The following CEP162 variants were observed in gnomAD, a reference collection of about 807,000 sequenced individuals.
CEP162 encodes centrosomal protein 162.
Under a neutral mutation model 169.2 loss-of-function variants are expected in CEP162, and 141 were observed. The ratio of observed to expected loss-of-function variants is 0.83; its 90% confidence interval spans 0.73 to 0.96. The LOEUF (loss-of-function observed/expected upper bound fraction) is 0.96. CEP162 is among the 40% of genes least tolerant of loss of function. The pLI, the probability that CEP162 is intolerant of heterozygous loss-of-function variation, is 0.00. For missense variants in CEP162, 1,600 were observed against 1,587.2 expected, an observed-to-expected ratio of 1.01 and a Z score of -0.14; for synonymous variants, 540 against 526.4, an observed-to-expected ratio of 1.03 and a Z score of -0.35.
chr6:84,131,934 C>T (rs2099511683), intron 25 of CEP162, among the ~76,000 whole-genome samples: 1 of 152,270 alleles, frequency 6.6e-6, no homozygotes, highest in South Asian at 2.1e-4. Flanking sequence ...TTCTTCCTAG[C>T]ACTGATGGTC....
chr6:84,147,907 T>C (rs1298658707), intron 24 of CEP162, among the ~76,000 whole-genome samples: 4 of 152,170 alleles, frequency 2.6e-5, no homozygotes, highest in African/African-American at 4.8e-5. Flanking sequence ...AAAATTTATC[T>C]TATCTCTAAT....
At chr6:84,207,581 G>A (rs961386401) in intron 6 of CEP162, among the ~76,000 whole-genome samples, 1 of 113,212 alleles carries the variant, frequency 8.8e-6, no homozygotes, top group East Asian at 3.2e-4. Context: ...GCGGGGGGAG[G>A]GGGGAAGGAC....
At chr6:84,208,865 T>C (rs771904734) in intron 6 of CEP162, among the ~76,000 whole-genome samples, 1 of 152,236 alleles carries the variant, frequency 6.6e-6, no homozygotes, top group Non-Finnish European at 1.5e-5. Flanking sequence ...CTAAGTGCTG[T>C]GAACAATACA....
chr6:84,207,118 T>C (rs146864022), intron 6 of CEP162, among the ~76,000 whole-genome samples: 5,762 of 152,272 alleles, frequency 0.038, 387 homozygotes, highest in African/African-American at 0.13. Flanking sequence ...TTTACACTGT[T>C]GGTAGAAGTG....
At position 84,152,743 on chromosome 6, in the gene CEP162, T is replaced by C. The variant is rs750676881; in HGVS notation, c.3431A>G (p.Lys1144Arg). 2.0e-5 allele frequency: 32 copies of C among 1,613,166 alleles called. 1 individual carries two copies. The Middle Eastern group carries it at 1.3e-3, about 66-fold the overall frequency. ...RAKKDVLHSS[K>R]GNANSFPGTL... is the part of the protein sequence containing the mutation. Reference sequence around the variant, plus strand: ...TCCAGGGAAGGAGTTAGCATTTCCTTTACTTGAGTGCAAAACATCTTTCTT... The same window carrying C: ...TCCAGGGAAGGAGTTAGCATTTCCTCTACTTGAGTGCAAAACATCTTTCTT... Residue 1144 changes from lysine to arginine, a missense_variant, in exon 23 of 27, where the codon AAA (lysine) becomes AGA (arginine). Lys to Arg is a conservative substitution (Grantham distance 26). Transcript: ENST00000403245.
At chr6:84,148,166 C>T (rs986939880) in intron 24 of CEP162, among the ~76,000 whole-genome samples, 10 of 152,072 alleles carry the variant, frequency 6.6e-5, no homozygotes, top group Non-Finnish European at 1.2e-4. Flanking sequence ...TTGTTACTTA[C>T]GAAAGGCACT....
chr6:84,166,371 A>T (rs2099527829), intron 18 of CEP162, among the ~76,000 whole-genome samples: 1 of 152,158 alleles, frequency 6.6e-6, no homozygotes, highest in South Asian at 2.1e-4. Flanking sequence ...CTCTCAACTC[A>T]AACATCTCTT....
In CEP162 at chr6:84,202,785, A is replaced by G. The variant is rs114666520; in HGVS notation, c.688-1018T>C. Among the ~76,000 whole-genome samples, 520 of 152,038 alleles carry G rather than the reference A, an allele frequency of 3.4e-3. 3 individuals are homozygous for G. The highest frequency in any genetic ancestry group is 0.012 in the African/African-American group (478 of 41,484). On this transcript the variant is annotated intron_variant, in intron 7 of 26. Coordinates refer to ENST00000403245, the MANE Select transcript of CEP162 (RefSeq NM_014895.4). The stretch of plus-strand genomic sequence containing the variant: ...TTCAATAAAATATTGTAATTGCCAT[A>G]TTCCAAGTATAAATCTCATTAAATT...
At chr6:84,226,106 T>C (rs1048024746) in intron 2 of CEP162, among the ~76,000 whole-genome samples, 3 of 150,978 alleles carry the variant, frequency 2.0e-5, no homozygotes. Context: ...AGGAACAGAG[T>C]CTGACTGCAG....
At chr6:84,132,766 A>C (rs1265713084) in intron 25 of CEP162, among the ~76,000 whole-genome samples, 1 of 152,000 alleles carries the variant, frequency 6.6e-6, no homozygotes. Context: ...CAAGGTTTTT[A>C]GCTCCTTTGC....
intron 13 of CEP162, among the ~76,000 whole-genome samples, chr6:84,178,829 G>C (rs904607340): frequency 6.6e-6 from 1 of 152,016 alleles, no homozygotes; most frequent in Non-Finnish European, 1.5e-5. Context: ...CCCCACGACA[G>C]GCCCTGGTAT....
chr6:84,221,183 A>G lies in CEP162; in HGVS notation c.58-12T>C, dbSNP rs1165618950. 1.6e-6 allele frequency: 2 copies of G among 1,229,592 alleles called. No individual in the cohort carries two copies. Among genetic ancestry groups the G allele is most frequent in the East Asian group, 2.3e-5 (1 of 43,014 alleles). 76.2% of individuals were successfully genotyped at this position (1,229,592 alleles called of 1,614,324 possible). A position where few individuals can be genotyped will look rare whatever the true frequency, so the allele number is the denominator to read the frequency against. ...GAATCATCTGAAAGCTGAATTAGAT[A>G]TAAGACATTCAATTTGAAAATACAG... On this transcript the variant is annotated splice_polypyrimidine_tract_variant and intron_variant, in intron 2 of 26. Coordinates refer to ENST00000403245, the MANE Select transcript of CEP162 (RefSeq NM_014895.4).
intron 21 of CEP162, chr6:84,155,729 C>A (rs1406063429): frequency 6.1e-6 from 3 of 495,370 alleles, no homozygotes; most frequent in Non-Finnish European, 1.1e-5. Flanking sequence ...TAAAGAAAAC[C>A]GTGACACAAA....
chr6:84,129,013 A>G (rs2099510124), intron 25 of CEP162, among the ~76,000 whole-genome samples: 1 of 152,194 alleles, frequency 6.6e-6, no homozygotes. Context: ...CCTGCAAAGG[A>G]CATGACCTCA....
intron 2 of CEP162, among the ~76,000 whole-genome samples, chr6:84,221,645 C>T (rs1313742612): frequency 6.6e-6 from 1 of 151,982 alleles, no homozygotes; most frequent in Non-Finnish European, 1.5e-5. Flanking sequence ...TTGATAAACA[C>T]TTATTTGCTT....
At position 84,160,841 on chromosome 6, in the gene CEP162, C is replaced by T. The variant is rs749380453; in HGVS notation, c.2752G>A (p.Ala918Thr). 9 of 1,612,260 alleles carry T rather than the reference C, an allele frequency of 5.6e-6. No individual in the cohort carries two copies. In the East Asian group the frequency reaches 1.6e-4, roughly 28 times the overall value. The stretch of plus-strand genomic sequence containing the variant: ...CGCTCCAGATCCTGAATTTTTTTGG[C>T]ATCTGCTGCTTTATCTTTTAAGCGT... ...KIRLKDKAADAKKIQDLERQV... is the reference protein window; with the variant it reads ...KIRLKDKAADTKKIQDLERQV... The change falls in exon 21 of 27, where the codon GCC (alanine) becomes ACC (threonine). Residue 918 changes from alanine to threonine, a missense_variant. Transcript: ENST00000403245.
rs779527790 is a variant in CEP162, at chr6:84,195,082, A to C, written c.836-7T>G. On this transcript the variant is annotated splice_polypyrimidine_tract_variant and splice_region_variant and intron_variant, in intron 9 of 26. Transcript: ENST00000403245. ...CTTTGTCCATAAGAAACACCTGTTG[A>C]AATAAACGTAATCACCAGAAATAAT... 1.3e-6 allele frequency: 2 copies of C among 1,550,686 alleles called. No homozygotes were observed. The highest frequency in any genetic ancestry group is 1.7e-6 in the Non-Finnish European group (2 of 1,150,366).
rs1170485759 is a variant in CEP162 at position 84,221,131 on chromosome 6, C to T, written c.98G>A (p.Arg33Lys). ...DSFENSDKTA[R>K]QSKKEMKKKD... ...CTTCTTCATCTCTTTTTTAGATTGT[C>T]TAGCTGTTTTGTCTGAATTTTCAAA... The change falls in exon 3 of 27, where the codon AGA (arginine) becomes AAA (lysine). Residue 33 changes from arginine to lysine, a missense_variant. By Grantham distance (26) the Arg-to-Lys change is conservative (BLOSUM62 2). Coordinates refer to ENST00000403245, the MANE Select transcript of CEP162 (RefSeq NM_014895.4). 3 of 1,600,344 alleles carry T rather than the reference C, an allele frequency of 1.9e-6. No individual in the cohort carries two copies. Among genetic ancestry groups the T allele is most frequent in the Non-Finnish European group, 8.6e-7 (1 of 1,168,550 alleles).
In CEP162 at chr6:84,215,431, G is replaced by A. The variant is rs189673325; in HGVS notation, c.354C>T (p.Leu118=). The A allele has an allele frequency of 2.2e-5, 36 of 1,605,558 alleles. No homozygotes were observed. Among genetic ancestry groups the A allele is most frequent in the Admixed American group, 1.2e-4 (7 of 58,872 alleles). The change falls in exon 5 of 27, where the codon CTC becomes CTT. Residue 118 remains leucine, a synonymous_variant. Coordinates refer to ENST00000403245, the MANE Select transcript of CEP162 (RefSeq NM_014895.4). ...LVVSELNHSS[L]GVGLDTLEEQ... is the part of the protein sequence containing the mutation. ...CTTCTAATGTGTCCAATCCCACTCCGAGACTACTATGGTTGAGCTCAGAAA... is the reference window on the plus strand; with the variant it reads ...CTTCTAATGTGTCCAATCCCACTCCAAGACTACTATGGTTGAGCTCAGAAA...
Sources: allele counts gnomAD v4.1 joint callset (sites outside exome capture counted in the v4.1 genomes callset), GRCh38; gene constraint gnomAD v4.1.1; transcripts MANE v1.5; gene names NCBI Gene and HGNC (gene_info 2026-07-23, HGNC 2026-07-21).